The following COP1 variants were observed in gnomAD, a reference collection of about 807,000 sequenced individuals.
COP1 encodes E3 ubiquitin-protein ligase COP1.
In COP1, 24 loss-of-function variants were observed where a neutral mutation model predicts 101.3. The ratio of observed to expected loss-of-function variants is 0.24; its 90% confidence interval spans 0.17 to 0.33. COP1 has a LOEUF of 0.33. Among genes scored for constraint, COP1 ranks in the 10% least tolerant of loss-of-function variants. The pLI is 1.00. For missense variants in COP1, 663 were observed against 906.2 expected, an observed-to-expected ratio of 0.73 and a Z score of 3.45; for synonymous variants, 347 against 341.9, an observed-to-expected ratio of 1.01 and a Z score of -0.17.
chr1:176,123,352 G>C (rs1687456419), intron 8 of COP1, among the ~76,000 whole-genome samples: 1 of 152,146 alleles, frequency 6.6e-6, no homozygotes, highest in Non-Finnish European at 1.5e-5. Context: ...TTTTACATTT[G>C]TATACAGTTG....
chr1:176,024,829 T>C (rs1007614635), intron 15 of COP1, among the ~76,000 whole-genome samples: 1 of 152,196 alleles, frequency 6.6e-6, no homozygotes, highest in Middle Eastern at 3.4e-3. Flanking sequence ...AGCAATTCCA[T>C]TCACAACAGA....
intron 11 of COP1, among the ~76,000 whole-genome samples, chr1:176,065,194 G>A (rs919457978): frequency 1.3e-5 from 2 of 152,110 alleles, no homozygotes; most frequent in African/African-American, 4.8e-5. Context: ...ACTGCCAGAG[G>A]TTAAAATCTG....
intron 11 of COP1, among the ~76,000 whole-genome samples, chr1:176,079,459 C>T (rs1572102518): frequency 1.3e-5 from 2 of 152,038 alleles, no homozygotes; most frequent in African/African-American, 4.8e-5. Context: ...ATGGGAACAA[C>T]ACATACCGGG....
At chr1:176,164,802 T>C (rs1453318187) in intron 3 of COP1, among the ~76,000 whole-genome samples, 2 of 152,234 alleles carry the variant, frequency 1.3e-5, no homozygotes, top group Non-Finnish European at 2.9e-5. Flanking sequence ...TTTCTATTTT[T>C]CTACAACCAA....
At chr1:175,948,264 G>A (rs1649433214) in intron 18 of COP1, among the ~76,000 whole-genome samples, 1 of 152,198 alleles carries the variant, frequency 6.6e-6, no homozygotes, top group Non-Finnish European at 1.5e-5. Context: ...CATGCCTCCT[G>A]TAGGAAACTG....
chr1:176,138,502 C>A (rs1690150056), intron 6 of COP1, among the ~76,000 whole-genome samples: 1 of 152,062 alleles, frequency 6.6e-6, no homozygotes, highest in Non-Finnish European at 1.5e-5. Flanking sequence ...ACAATGCCAC[C>A]TTAACTGAAA....
At chr1:175,955,218 G>C (rs1378509490) in intron 18 of COP1, among the ~76,000 whole-genome samples, 2 of 151,978 alleles carry the variant, frequency 1.3e-5, no homozygotes. Context: ...CTCTCGCCTG[G>C]GTGACAGGAG....
intron 11 of COP1, among the ~76,000 whole-genome samples, chr1:176,056,631 T>C (rs1673546602): frequency 6.6e-6 from 1 of 152,216 alleles, no homozygotes; most frequent in Non-Finnish European, 1.5e-5. Context: ...AGCACTGATT[T>C]GTGGTTTATG....
At chr1:176,200,316 T>C (rs943350787) in intron 1 of COP1, among the ~76,000 whole-genome samples, 7 of 152,248 alleles carry the variant, frequency 4.6e-5, no homozygotes, top group Admixed American at 1.3e-4. Context: ...TTGGCATTTA[T>C]GAACGTTTGA....
intron 5 of COP1, among the ~76,000 whole-genome samples, chr1:176,149,522 T>C (rs1469106138): frequency 6.6e-6 from 1 of 152,164 alleles, no homozygotes; most frequent in Non-Finnish European, 1.5e-5. Context: ...ACAAGTCAAA[T>C]TTACTATTTC....
chr1:176,015,240 A>G (rs1171857126), intron 15 of COP1, among the ~76,000 whole-genome samples: 2 of 152,240 alleles, frequency 1.3e-5, no homozygotes, highest in African/African-American at 2.4e-5. Flanking sequence ...ATCTGAAAGA[A>G]TATTATCCCT....
At chr1:176,079,544 T>C (rs138191062) in intron 11 of COP1, among the ~76,000 whole-genome samples, 53 of 151,922 alleles carry the variant, frequency 3.5e-4, no homozygotes, top group Middle Eastern at 3.4e-3. Context: ...CTATGCTCAC[T>C]GTCTGGGTGA....
chr1:176,116,345 G>GT (rs1686182885), intron 9 of COP1, among the ~76,000 whole-genome samples: 1 of 152,118 alleles, frequency 6.6e-6, no homozygotes, highest in African/African-American at 2.4e-5. Context: ...GCGTGACAGA[G>GT]TGTCTCAAAA....
intron 9 of COP1, among the ~76,000 whole-genome samples, chr1:176,110,343 T>C (rs1332334043): frequency 6.6e-6 from 1 of 152,176 alleles, no homozygotes; most frequent in Non-Finnish European, 1.5e-5. Context: ...TTTTACCTCA[T>C]CTTCTATTTT....
intron 5 of COP1, among the ~76,000 whole-genome samples, chr1:176,155,943 A>G (rs1442695413): frequency 6.6e-6 from 1 of 152,082 alleles, no homozygotes; most frequent in Non-Finnish European, 1.5e-5. Context: ...TACAAGTAAA[A>G]GGGAAATCAG....
At chr1:176,067,770 T>A (rs1676261296) in intron 11 of COP1, among the ~76,000 whole-genome samples, 1 of 152,186 alleles carries the variant, frequency 6.6e-6, no homozygotes, top group Non-Finnish European at 1.5e-5. Flanking sequence ...CTGAGTTGAC[T>A]AACACAAGCC....
chr1:176,139,724 C>T (rs1690375693), intron 6 of COP1, among the ~76,000 whole-genome samples: 1 of 152,128 alleles, frequency 6.6e-6, no homozygotes, highest in South Asian at 2.1e-4. Flanking sequence ...AAACCAAATA[C>T]CACATGTTCT....
At chr1:176,045,070 T>C (rs1171291185) in intron 12 of COP1, among the ~76,000 whole-genome samples, 1 of 152,200 alleles carries the variant, frequency 6.6e-6, no homozygotes, top group Non-Finnish European at 1.5e-5. Flanking sequence ...AGAACCAAAC[T>C]ACTTCAGTCT....
Position 176,043,827 on chromosome 1 carries a change from A to C in COP1, c.1422-9T>G. 1 of 1,447,472 alleles carries C rather than the reference A, an allele frequency of 6.9e-7. No individual in the cohort carries two copies. Among genetic ancestry groups the C allele is most frequent in the Non-Finnish European group, 9.7e-7 (1 of 1,033,284 alleles). 89.7% of individuals were successfully genotyped at this position (1,447,472 alleles called of 1,614,324 possible). A position where few individuals can be genotyped will look rare whatever the true frequency, so the allele number is the denominator to read the frequency against. ...TACTCCAACTGATACAGCTGAAAGA[A>C]ATACAGTTAAAAGTTACTTTACATA... On this transcript the variant is annotated splice_polypyrimidine_tract_variant and intron_variant, in intron 12 of 19. Coordinates refer to ENST00000367669, the MANE Select transcript of COP1 (RefSeq NM_022457.7).
Sources: allele counts gnomAD v4.1 joint callset (sites outside exome capture counted in the v4.1 genomes callset), GRCh38; gene constraint gnomAD v4.1.1; transcripts MANE v1.5; gene names NCBI Gene and HGNC (gene_info 2026-07-23, HGNC 2026-07-21).